DACH2: variants seen among roughly 807,000 people sequenced by gnomAD.
DACH2 encodes the protein dachshund homolog 2.
DACH2 carries 17 observed loss-of-function variants against 35.8 expected under a neutral mutation model. The observed-to-expected ratio is 0.48, with a 90% CI of 0.33 to 0.71. The LOEUF (loss-of-function observed/expected upper bound fraction) is 0.71, where lower values mean the gene tolerates loss of function less well. DACH2 is among the 30% of genes least tolerant of loss of function. The pLI, the probability that DACH2 is intolerant of heterozygous loss-of-function variation, is 0.02. For synonymous variants in DACH2, 195 were observed against 177.3 expected (o/e 1.10, Z -0.79); for missense variants, 469 against 472.7 (o/e 0.99, Z 0.07).
chrX:86,794,826 T>A (rs2042219423), intron 7 of DACH2, among the ~76,000 whole-genome samples: 1 of 111,557 alleles, frequency 9.0e-6, no homozygotes, highest in Admixed American at 9.5e-5. Flanking sequence ...CATAATTTTT[T>A]AAAATATGCC....
intron 4 of DACH2, among the ~76,000 whole-genome samples, chrX:86,656,855 G>GTATATATA (rs1216926312): frequency 4.8e-5 from 3 of 62,029 alleles, no homozygotes; most frequent in African/African-American, 2.1e-4. Flanking sequence ...ATGTGTGTGT[G>GTATATATA]TGTATATATA....
intron 11 of DACH2, among the ~76,000 whole-genome samples, chrX:86,820,378 C>T (rs1282954755): frequency 9.0e-6 from 1 of 111,302 alleles, no homozygotes; most frequent in Non-Finnish European, 1.9e-5. Context: ...ATTCCTTTTG[C>T]TACTGACACA....
intron 1 of DACH2, among the ~76,000 whole-genome samples, chrX:86,315,486 G>A (rs766056983): frequency 1.6e-4 from 18 of 111,460 alleles, no homozygotes; most frequent in Non-Finnish European, 2.8e-4. Flanking sequence ...TTTTTCTAAG[G>A]AATACATTTT....
intron 2 of DACH2, among the ~76,000 whole-genome samples, chrX:86,488,402 T>C (rs1195885386): frequency 1.8e-5 from 2 of 111,051 alleles, no homozygotes; most frequent in Non-Finnish European, 3.8e-5. Flanking sequence ...AGCTTTAATA[T>C]TCTTGGATTA....
At chrX:86,291,867 G>A (rs1262987198) in intron 1 of DACH2, among the ~76,000 whole-genome samples, 1 of 56,279 alleles carries the variant, frequency 1.8e-5, no homozygotes. Context: ...GTTCATGAAG[G>A]ATATTGGTCT....
At chrX:86,602,687 G>A (rs994907962) in intron 3 of DACH2, among the ~76,000 whole-genome samples, 2 of 111,369 alleles carry the variant, frequency 1.8e-5, no homozygotes, top group Non-Finnish European at 3.8e-5. Flanking sequence ...ATCTTATTGG[G>A]TTAATTTTTC....
intron 4 of DACH2, among the ~76,000 whole-genome samples, chrX:86,689,654 C>G (rs1177019867): frequency 9.0e-6 from 1 of 111,405 alleles, no homozygotes; most frequent in Non-Finnish European, 1.9e-5. Flanking sequence ...TTGCCTTATG[C>G]ACATAAGATT....
chrX:86,497,272 C>T (rs1304426952), intron 2 of DACH2, among the ~76,000 whole-genome samples: 1 of 111,547 alleles, frequency 9.0e-6, no homozygotes, highest in Non-Finnish European at 1.9e-5. Context: ...TGCAAATTCT[C>T]TGGGGATGAG....
chrX:86,446,383 C>T (rs1271161042), intron 2 of DACH2, among the ~76,000 whole-genome samples: 6 of 73,671 alleles, frequency 8.1e-5, no homozygotes, highest in Non-Finnish European at 1.2e-4. Flanking sequence ...CATGCTGGTG[C>T]GCTGCACCCA....
intron 1 of DACH2, among the ~76,000 whole-genome samples, chrX:86,308,103 T>C (rs1404556455): frequency 8.9e-6 from 1 of 112,286 alleles, no homozygotes; most frequent in African/African-American, 3.2e-5. Flanking sequence ...GATCGTAGAT[T>C]GTATTCATCA....
chrX:86,682,553 G>T (rs2040892557), intron 4 of DACH2, among the ~76,000 whole-genome samples: 1 of 111,894 alleles, frequency 8.9e-6, no homozygotes, highest in Non-Finnish European at 1.9e-5. Flanking sequence ...ATTTTCACAG[G>T]TATTAGACAT....
chrX:86,283,228 C>T, intron 1 of DACH2, among the ~76,000 whole-genome samples: 1 of 111,644 alleles, frequency 9.0e-6, no homozygotes, highest in Middle Eastern at 4.6e-3. Context: ...GTTCAGGAAA[C>T]TACTGATGCT....
intron 1 of DACH2, among the ~76,000 whole-genome samples, chrX:86,165,543 C>T (rs2030916273): frequency 9.0e-6 from 1 of 111,024 alleles, no homozygotes; most frequent in Non-Finnish European, 1.9e-5. Context: ...GAGAGGGTAT[C>T]TCATTGTAAT....
At chrX:86,726,685 C>T (rs1330050050) in intron 6 of DACH2, among the ~76,000 whole-genome samples, 2 of 111,944 alleles carry the variant, frequency 1.8e-5, no homozygotes, top group Non-Finnish European at 3.8e-5. Context: ...TCTGGAGCAA[C>T]ACCTCTGCAC....
At chrX:86,171,704 T>G (rs768180324) in intron 1 of DACH2, among the ~76,000 whole-genome samples, 10 of 111,494 alleles carry the variant, frequency 9.0e-5, no homozygotes, top group Non-Finnish European at 1.9e-4. Context: ...CTGACCCACA[T>G]GCTGCTGTTG....
chrX:86,595,898 T>C (rs1474407324), intron 3 of DACH2, among the ~76,000 whole-genome samples: 2 of 110,939 alleles, frequency 1.8e-5, no homozygotes, highest in Non-Finnish European at 3.8e-5. Context: ...ATTAAAGTTA[T>C]TTGCTATTAC....
chrX:86,740,130 T>C (rs761384655), intron 7 of DACH2, among the ~76,000 whole-genome samples: 1 of 111,207 alleles, frequency 9.0e-6, no homozygotes, highest in East Asian at 2.8e-4. Flanking sequence ...AGTAATATGA[T>C]GAAATTTTTG....
At chrX:86,179,447 G>A (rs1282545275) in intron 1 of DACH2, among the ~76,000 whole-genome samples, 2 of 111,896 alleles carry the variant, frequency 1.8e-5, no homozygotes, top group African/African-American at 6.5e-5. Context: ...AGAGAAGAAT[G>A]CAGGAAGCAG....
chrX:86,495,784 C>T (rs770515558), intron 2 of DACH2, among the ~76,000 whole-genome samples: 11 of 108,298 alleles, frequency 1.0e-4, no homozygotes, highest in African/African-American at 3.4e-4. Flanking sequence ...TTGATCATAC[C>T]GCTGCACTCT....
Sources: allele counts gnomAD v4.1 joint callset (sites outside exome capture counted in the v4.1 genomes callset), GRCh38; gene constraint gnomAD v4.1.1; transcripts MANE v1.5; gene names NCBI Gene and HGNC (gene_info 2026-07-23, HGNC 2026-07-21).